Variants in POFUT2 observed in about 807,000 individuals in gnomAD.
The protein encoded by POFUT2 is GDP-fucose protein O-fucosyltransferase 2.
Under a neutral mutation model 55.0 loss-of-function variants are expected in POFUT2, and 30 were observed. The observed-to-expected ratio is 0.55, with a 90% CI of 0.41 to 0.74. POFUT2 has a LOEUF of 0.74. POFUT2 is among the 30% of genes least tolerant of loss of function. The pLI, the probability that POFUT2 is intolerant of heterozygous loss-of-function variation, is 0.00. For missense variants in POFUT2, 524 were observed against 562.6 expected (o/e 0.93, Z 0.69); for synonymous variants, 267 against 231.1 (o/e 1.16, Z -1.41).
rs1449648704 is a variant in POFUT2, at chr21:45,270,328, G to A, written c.832-309C>T. ...TTCCTCCGAGAACCACCGCAGGGAC[G>A]TGCCACAAAGAGTTCACGGATCCTG... On this transcript the variant is annotated intron_variant, in intron 6 of 8. Coordinates refer to ENST00000349485, the MANE Select transcript of POFUT2 (RefSeq NM_133635.6). The surrounding 1 kb of genome is among the most constrained non-coding windows in gnomAD (Gnocchi z 4.6). Among the ~76,000 whole-genome samples, 5 of 152,172 alleles carry A rather than the reference G, an allele frequency of 3.3e-5. No homozygotes were observed. The highest frequency in any genetic ancestry group is 4.2e-4 in the South Asian group (2 of 4,790).
At chr21:45,274,044 A>G in intron 6 of POFUT2, among the ~76,000 whole-genome samples, 1 of 152,214 alleles carries the variant, frequency 6.6e-6, no homozygotes, top group Non-Finnish European at 1.5e-5. Flanking sequence ...CACTGATGAT[A>G]TAATTGTATA....
rs2093142980 is a variant in POFUT2, at chr21:45,265,278, G to A, written c.*204C>T. 1 of 429,816 alleles carries A rather than the reference G, an allele frequency of 2.3e-6. No homozygotes were observed. The highest frequency in any genetic ancestry group is 6.5e-5 in the South Asian group (1 of 15,300). The allele number at this position is 429,816 out of a possible 1,614,324, so 26.6% of individuals were successfully genotyped here. A position where few individuals can be genotyped will look rare whatever the true frequency, so the allele number is the denominator to read the frequency against. Reference sequence around the variant, plus strand: ...AACCGCCACCCCCGAGAGCAGCGGAGCCTCTTCATCAGCCATGGCGGCTGG... The same window carrying A: ...AACCGCCACCCCCGAGAGCAGCGGAACCTCTTCATCAGCCATGGCGGCTGG... On this transcript the variant is annotated 3_prime_UTR_variant, in exon 9 of 9. Coordinates refer to ENST00000349485, the MANE Select transcript of POFUT2 (RefSeq NM_133635.6). The surrounding 1 kb of genome is among the most constrained non-coding windows in gnomAD (Gnocchi z 4.6).
At position 45,281,437 on chromosome 21, in the gene POFUT2, G is replaced by A. The variant is rs114961824; in HGVS notation, c.638+912C>T. On this transcript the variant is annotated intron_variant, in intron 4 of 8. Coordinates refer to ENST00000349485, the MANE Select transcript of POFUT2 (RefSeq NM_133635.6). The surrounding 1 kb of genome is among the most constrained non-coding windows in gnomAD (Gnocchi z 5.0). ...CCTCTGAGTTCTGTCTGCAACAGCC[G>A]GGCTGGCTGAGCAGCAGACACGCGG... Among the ~76,000 whole-genome samples, 304 of 152,212 alleles carry A rather than the reference G, an allele frequency of 2.0e-3. 1 individual carries two copies. The highest frequency in any genetic ancestry group is 6.9e-3 in the African/African-American group (287 of 41,552).
Position 45,285,350 on chromosome 21 carries a change from G to C in POFUT2, c.382+328C>G, listed in dbSNP as rs1173558807. The C allele has an allele frequency of 7.8e-5, 29 of 371,812 alleles. No homozygotes were observed. Among genetic ancestry groups the C allele is most frequent in the South Asian group, 6.7e-4 (29 of 43,108 alleles). 23.0% of individuals were successfully genotyped at this position (371,812 alleles called of 1,614,324 possible). A position where few individuals can be genotyped will look rare whatever the true frequency, so the allele number is the denominator to read the frequency against. On this transcript the variant is annotated intron_variant, in intron 2 of 8. Coordinates refer to ENST00000349485, the MANE Select transcript of POFUT2 (RefSeq NM_133635.6). This position sits in a 1 kb window ranked among gnomAD's most constrained non-coding sequence, Gnocchi z 4.9. ...CTTCCTGAACGTAAAACAGCCTTTC[G>C]CACAGGGAGCCGAGTCCTGTCACTA...
intron 6 of POFUT2, 126 bp downstream of exon 6, chr21:45,276,891 G>C: frequency 2.0e-6 from 2 of 1,019,018 alleles, no homozygotes; most frequent in Non-Finnish European, 2.9e-6. Context: ...ATTCCAGAGA[G>C]GCGCCGAGGC....
intron 8 of POFUT2, chr21:45,266,255 G>A: frequency 7.3e-7 from 1 of 1,367,570 alleles, no homozygotes; most frequent in South Asian, 1.1e-5. Flanking sequence ...CCCCAGAGAT[G>A]TTTCCAGAGC....
chr21:45,268,512 G>T (rs1457281605), intron 7 of POFUT2, among the ~76,000 whole-genome samples: 13 of 151,918 alleles, frequency 8.6e-5, no homozygotes, highest in African/African-American at 2.9e-4. Flanking sequence ...ATCTCCGCCC[G>T]GCCGCCATCC....
In POFUT2 at chr21:45,285,695, T is replaced by C; in HGVS notation, c.365A>G (p.Tyr122Cys). Residue 122 changes from tyrosine (Y) to cysteine (C), a missense_variant, in exon 2 of 9, where the codon TAT becomes TGT. By Grantham distance (194) the Tyr-to-Cys change is radical. Coordinates refer to ENST00000349485, the MANE Select transcript of POFUT2 (RefSeq NM_133635.6). The surrounding 1 kb of genome is among the most constrained non-coding windows in gnomAD (Gnocchi z 4.9). ...GGCCTCACCTGCGATGAACTGCTCATACTCGATGACGGGGATGTTTTTATT... is the reference window on the plus strand; with the variant it reads ...GGCCTCACCTGCGATGAACTGCTCACACTCGATGACGGGGATGTTTTTATT... ...SLNKNIPVIE[Y>C]EQFIAESGGP... The C allele has an allele frequency of 6.2e-7, 1 of 1,613,804 alleles. No homozygotes were observed.
intron 7 of POFUT2, among the ~76,000 whole-genome samples, chr21:45,268,210 C>G (rs1431162147): frequency 2.0e-5 from 3 of 152,274 alleles, no homozygotes; most frequent in Non-Finnish European, 4.4e-5. Flanking sequence ...GTCTCCAGCC[C>G]CTAACCGCGA....
chr21:45,278,256 C>T (rs894518027), intron 4 of POFUT2, 87 bp from the exon 5 acceptor site: 9 of 1,178,358 alleles, frequency 7.6e-6, no homozygotes, highest in African/African-American at 3.0e-5. Flanking sequence ...GGGAGAACCC[C>T]GGGCCGAGGA....
intron 6 of POFUT2, among the ~76,000 whole-genome samples, chr21:45,271,166 G>A (rs1285639304): frequency 6.6e-6 from 1 of 151,894 alleles, no homozygotes; most frequent in African/African-American, 2.4e-5. Flanking sequence ...CAACAATATG[G>A]ATGAAAAATG....
Position 45,267,154 on chromosome 21 carries a change from C to T in POFUT2, c.1136+436G>A. On this transcript the variant is annotated intron_variant, in intron 8 of 8. Coordinates refer to ENST00000349485, the MANE Select transcript of POFUT2 (RefSeq NM_133635.6). The surrounding 1 kb of genome is among the most constrained non-coding windows in gnomAD (Gnocchi z 4.4). ...AGCCTTGGGGACGCTCATGGCAGCC[C>T]CACGAGAATGATCACACGAGGGCCC... is the stretch of plus-strand genomic sequence containing the variant. The T allele has an allele frequency of 7.9e-7, 1 of 1,272,620 alleles. No individual in the cohort carries two copies. The highest frequency in any genetic ancestry group is 1.0e-6 in the Non-Finnish European group (1 of 1,000,332). The allele number at this position is 1,272,620 out of a possible 1,614,324, so 78.8% of individuals were successfully genotyped here.
At chr21:45,287,618 CCGTGG>C in intron 1 of POFUT2, 118 bp downstream of exon 1, 1 of 1,020,048 alleles carries the variant, frequency 9.8e-7, no homozygotes, top group South Asian at 3.6e-5. Context: ...ACCCTCCATC[CCGTGG>C]GCCTGCCCCT....
chr21:45,276,607 T>C (rs2093266385), intron 6 of POFUT2, among the ~76,000 whole-genome samples: 1 of 152,166 alleles, frequency 6.6e-6, no homozygotes, highest in South Asian at 2.1e-4. Flanking sequence ...GCACTGATGG[T>C]GCTTTTGGGT....
rs1602238020 is a variant in POFUT2 at position 45,285,735 on chromosome 21, C to A, written c.325G>T (p.Asp109Tyr). The change falls in exon 2 of 9, where the codon GAT becomes TAT. Residue 109 changes from aspartate (D) to tyrosine (Y), a missense_variant. Coordinates refer to ENST00000349485, the MANE Select transcript of POFUT2 (RefSeq NM_133635.6). The surrounding 1 kb of genome is among the most constrained non-coding windows in gnomAD (Gnocchi z 4.9). ...QVRIPWSEFF[D>Y]LPSLNKNIPV... ...ATGTTTTTATTGAGACTTGGAAGAT[C>A]AAAAAACTCAGACCAGGGAATCCGG... 5 of 1,613,782 alleles carry A rather than the reference C, an allele frequency of 3.1e-6. No individual in the cohort carries two copies. In the Middle Eastern group the frequency reaches 6.6e-4, roughly 213 times the overall value.
At chr21:45,280,627 T>C (rs2030509045) in intron 4 of POFUT2, among the ~76,000 whole-genome samples, 1 of 152,162 alleles carries the variant, frequency 6.6e-6, no homozygotes, top group East Asian at 1.9e-4. Flanking sequence ...CTGTCCTTAC[T>C]CCTGAATCGC....
rs1044034309 is a variant in POFUT2, at chr21:45,285,385, G to C, written c.382+293C>G. Reference sequence around the variant, plus strand: ...CCGAGTCCTGTCACTATAACACCCAGGGGTGGCCGCTTTCTTAGGGTGTAA... The same window carrying C: ...CCGAGTCCTGTCACTATAACACCCACGGGTGGCCGCTTTCTTAGGGTGTAA... On this transcript the variant is annotated intron_variant, in intron 2 of 8. Coordinates refer to ENST00000349485, the MANE Select transcript of POFUT2 (RefSeq NM_133635.6). The surrounding 1 kb of genome is among the most constrained non-coding windows in gnomAD (Gnocchi z 4.9). 2.1e-5 allele frequency: 9 copies of C among 422,666 alleles called. No individual in the cohort carries two copies. Among genetic ancestry groups the C allele is most frequent in the Non-Finnish European group, 4.1e-5 (9 of 221,924 alleles). The allele number at this position is 422,666 out of a possible 1,614,324, so 26.2% of individuals were successfully genotyped here. A position where few individuals can be genotyped will look rare whatever the true frequency, so the allele number is the denominator to read the frequency against.
In POFUT2 at chr21:45,285,292, G is replaced by T; in HGVS notation, c.382+386C>A. The T allele has an allele frequency of 3.4e-6, 1 of 298,408 alleles. No individual in the cohort carries two copies. 18.5% of individuals were successfully genotyped at this position (298,408 alleles called of 1,614,324 possible). ...ACCTTTATCCCTGGCGCTGCACTGAGACACCACGAAGCATACTCCACACGC... is the reference window on the plus strand; with the variant it reads ...ACCTTTATCCCTGGCGCTGCACTGATACACCACGAAGCATACTCCACACGC... On this transcript the variant is annotated intron_variant, in intron 2 of 8. Transcript: ENST00000349485. The surrounding 1 kb of genome is among the most constrained non-coding windows in gnomAD (Gnocchi z 4.9).
rs760077798 is a variant in POFUT2, at chr21:45,265,239, C to T, written c.*243G>A. 2.1e-4 allele frequency: 84 copies of T among 398,478 alleles called. No individual in the cohort carries two copies. Among genetic ancestry groups the T allele is most frequent in the South Asian group, 3.8e-4 (6 of 15,972 alleles). The allele number at this position is 398,478 out of a possible 1,614,324, so 24.7% of individuals were successfully genotyped here. Reference sequence around the variant, plus strand: ...GGCAACCGAGCTGTGGGTTCACAGACGCTGCCTGAAAACAACCGCCACCCC... The same window carrying T: ...GGCAACCGAGCTGTGGGTTCACAGATGCTGCCTGAAAACAACCGCCACCCC... On this transcript the variant is annotated 3_prime_UTR_variant, in exon 9 of 9. Transcript: ENST00000349485. This position sits in a 1 kb window ranked among gnomAD's most constrained non-coding sequence, Gnocchi z 4.6.
Sources: allele counts gnomAD v4.1 joint callset (sites outside exome capture counted in the v4.1 genomes callset), GRCh38; gene constraint gnomAD v4.1.1; non-coding constraint Gnocchi (gnomAD v3.1); transcripts MANE v1.5; gene names NCBI Gene and HGNC (gene_info 2026-07-23, HGNC 2026-07-21).